The following MYT1L variants were observed in gnomAD, a reference collection of about 807,000 sequenced individuals.
MYT1L encodes myelin transcription factor 1-like protein.
In MYT1L, 12 loss-of-function variants were observed where a neutral mutation model predicts 126.7. The observed-to-expected ratio is 0.09, with a 90% CI of 0.06 to 0.15. The LOEUF is 0.15. Among genes scored for constraint, MYT1L ranks in the 10% least tolerant of loss-of-function variants. The pLI is 1.00. For missense variants in MYT1L, 979 were observed against 1,585.2 expected (o/e 0.62, Z 6.49); for synonymous variants, 541 against 604.2 (o/e 0.90, Z 1.53).
At chr2:2,083,248 T>C (rs1472166670) in intron 3 of MYT1L, among the ~76,000 whole-genome samples, 2 of 152,256 alleles carry the variant, frequency 1.3e-5, no homozygotes, top group African/African-American at 2.4e-5. Flanking sequence ...TGCTCACTTG[T>C]AGATGCAAAT....
chr2:2,125,965 T>C (rs1403404453), intron 3 of MYT1L, among the ~76,000 whole-genome samples: 1 of 152,226 alleles, frequency 6.6e-6, no homozygotes, highest in Non-Finnish European at 1.5e-5. Flanking sequence ...TCACAGCATT[T>C]TCCTGTGGAG....
chr2:1,879,991 T>C lies in MYT1L; in HGVS notation c.2711+6548A>G, dbSNP rs563273780. Among the ~76,000 whole-genome samples the C allele has an allele frequency of 3.3e-5, 5 of 152,340 alleles. No individual in the cohort carries two copies. In the South Asian group the frequency reaches 6.2e-4, roughly 19 times the overall value. ...ATCTTCCTCATGATTTTCTTCTGAA[T>C]TTAAAATGTTCCAAAATTTGTCACA... On this transcript the variant is annotated intron_variant, in intron 18 of 24. Transcript: ENST00000647738.
intron 1 of MYT1L, among the ~76,000 whole-genome samples, chr2:2,321,972 C>G (rs979227769): frequency 1.3e-5 from 2 of 152,132 alleles, no homozygotes; most frequent in Non-Finnish European, 2.9e-5. Flanking sequence ...CATACTAACC[C>G]TATGGCTCAA....
chr2:2,144,998 A>G (rs2148224027), intron 3 of MYT1L, among the ~76,000 whole-genome samples: 1 of 152,354 alleles, frequency 6.6e-6, no homozygotes, highest in Middle Eastern at 3.4e-3. Context: ...AATATCTCTG[A>G]TCATGAAGAC....
intron 1 of MYT1L, among the ~76,000 whole-genome samples, chr2:2,294,588 G>A (rs1011317784): frequency 4.0e-5 from 6 of 151,756 alleles, no homozygotes; most frequent in African/African-American, 1.5e-4. Context: ...AGGGCAGACA[G>A]TGAAGTTGAA....
chr2:1,979,595 A>C lies in MYT1L; in HGVS notation c.56-41T>G. On this transcript the variant is annotated intron_variant, in intron 6 of 24. Coordinates refer to ENST00000647738, the MANE Select transcript of MYT1L (RefSeq NM_001303052.2). This position sits in a 1 kb window ranked among gnomAD's most constrained non-coding sequence, Gnocchi z 4.0. ...AATAGATAAAAATTTACCATCTATC[A>C]CAAGCGACCCTCTTCCACAGAAAAT... 1 of 1,608,990 alleles carries C rather than the reference A, an allele frequency of 6.2e-7. No homozygotes were observed. The highest frequency in any genetic ancestry group is 8.5e-7 in the Non-Finnish European group (1 of 1,175,316).
At chr2:2,234,961 C>T (rs2094251529) in intron 2 of MYT1L, among the ~76,000 whole-genome samples, 1 of 152,222 alleles carries the variant, frequency 6.6e-6, no homozygotes, top group African/African-American at 2.4e-5. Flanking sequence ...GGTCCTTTCC[C>T]TCTCTGCTGG....
chr2:2,062,423 G>A (rs74815717), intron 3 of MYT1L, among the ~76,000 whole-genome samples: 3,172 of 152,188 alleles, frequency 0.021, 62 homozygotes, highest in South Asian at 0.088. Flanking sequence ...ATCTGGCCTC[G>A]TCCACACTGG....
At chr2:2,043,088 C>T (rs548534097) in intron 4 of MYT1L, among the ~76,000 whole-genome samples, 7 of 152,252 alleles carry the variant, frequency 4.6e-5, no homozygotes, top group South Asian at 2.1e-4. Flanking sequence ...GCCCCAAGCC[C>T]GGGGACCTCA....
intron 22 of MYT1L, among the ~76,000 whole-genome samples, chr2:1,802,607 G>A (rs2035047508): frequency 6.6e-6 from 1 of 152,210 alleles, no homozygotes; most frequent in Admixed American, 6.5e-5. Context: ...CGAGGTCCCT[G>A]GGGCACCTGG....
At position 1,819,714 on chromosome 2, in the gene MYT1L, G is replaced by A. The variant is rs77199002; in HGVS notation, c.3081-10547C>T. 0.011 allele frequency among the ~76,000 whole-genome samples: 1,716 copies of A among 152,320 alleles called. 69 individuals are homozygous for A. The East Asian group carries it at 0.13, about 12-fold the overall frequency. ...AGCATTACAGAGGGAGGTGGAGTCCGCATGGGTATTTAAAGACAGACATTT... is the reference window on the plus strand; with the variant it reads ...AGCATTACAGAGGGAGGTGGAGTCCACATGGGTATTTAAAGACAGACATTT... On this transcript the variant is annotated intron_variant, in intron 21 of 24. Coordinates refer to ENST00000647738, the MANE Select transcript of MYT1L (RefSeq NM_001303052.2).
rs542471285 is a variant in MYT1L at position 1,910,166 on chromosome 2, G to A, written c.1817+74C>T. 2.2e-5 allele frequency: 29 copies of A among 1,346,520 alleles called. No homozygotes were observed. Among genetic ancestry groups the A allele is most frequent in the African/African-American group, 1.3e-4 (9 of 69,620 alleles). The allele number at this position is 1,346,520 out of a possible 1,614,324, so 83.4% of individuals were successfully genotyped here. A position where few individuals can be genotyped will look rare whatever the true frequency, so the allele number is the denominator to read the frequency against. ...GCTGCTGTAGGGACATGCCCTGAGCGGGTGTCCCCAGCGCTCCGAGGTGTG... is the reference window on the plus strand; with the variant it reads ...GCTGCTGTAGGGACATGCCCTGAGCAGGTGTCCCCAGCGCTCCGAGGTGTG... On this transcript the variant is annotated intron_variant, in intron 13 of 24. Coordinates refer to ENST00000647738, the MANE Select transcript of MYT1L (RefSeq NM_001303052.2). This position sits in a 1 kb window ranked among gnomAD's most constrained non-coding sequence, Gnocchi z 4.8.
intron 8 of MYT1L, among the ~76,000 whole-genome samples, chr2:1,950,426 C>T (rs569215115): frequency 3.9e-5 from 6 of 151,986 alleles, no homozygotes; most frequent in African/African-American, 1.5e-4. Flanking sequence ...GACCTACTCC[C>T]AACCTCATGG....
intron 3 of MYT1L, among the ~76,000 whole-genome samples, chr2:2,161,701 C>CT (rs1319782080): frequency 6.6e-6 from 1 of 152,194 alleles, no homozygotes; most frequent in African/African-American, 2.4e-5. Context: ...CAAGATGGTG[C>CT]TGGGGACGCC....
chr2:2,314,250 CAT>C (rs1251093594), intron 1 of MYT1L, among the ~76,000 whole-genome samples: 1 of 152,118 alleles, frequency 6.6e-6, no homozygotes, highest in African/African-American at 2.4e-5. Flanking sequence ...AACTGCCTGC[CAT>C]ATATATTTAT....
chr2:1,858,696 G>T (rs2044212757), intron 18 of MYT1L, among the ~76,000 whole-genome samples: 3 of 152,210 alleles, frequency 2.0e-5, no homozygotes, highest in African/African-American at 7.2e-5. Flanking sequence ...TCACGGAAAG[G>T]CAATTCTTGT....
Position 2,048,898 on chromosome 2 carries a change from G to T in MYT1L, c.-158+5080C>A, listed in dbSNP as rs1217427118. 3.3e-5 allele frequency among the ~76,000 whole-genome samples: 5 copies of T among 152,286 alleles called. No homozygotes were observed. In the East Asian group the frequency reaches 9.7e-4, roughly 29 times the overall value. The stretch of plus-strand genomic sequence containing the variant: ...CATCCTACTCTCCTACAGGGTGGTG[G>T]CCTGTGACTTTGATAACACAAGTCA... On this transcript the variant is annotated intron_variant, in intron 4 of 24. Coordinates refer to ENST00000647738, the MANE Select transcript of MYT1L (RefSeq NM_001303052.2).
intron 3 of MYT1L, among the ~76,000 whole-genome samples, chr2:2,136,998 A>C (rs2083150840): frequency 6.6e-6 from 1 of 152,250 alleles, no homozygotes; most frequent in South Asian, 2.1e-4. Flanking sequence ...AAGTCTCAGG[A>C]TACAAAATCA....
rs184637982 is a variant in MYT1L at position 1,839,935 on chromosome 2, G to A, written c.2859-565C>T. 3.0e-3 allele frequency among the ~76,000 whole-genome samples: 463 copies of A among 152,274 alleles called. 3 individuals are homozygous for A. The highest frequency in any genetic ancestry group is 0.01 in the African/African-American group (419 of 41,562). ...TGGAATCGGGCTGACACAGGGACACGGGACAGGTGTGTTCCTGGGAACTTG... is the reference window on the plus strand; with the variant it reads ...TGGAATCGGGCTGACACAGGGACACAGGACAGGTGTGTTCCTGGGAACTTG... On this transcript the variant is annotated intron_variant, in intron 20 of 24. Transcript: ENST00000647738.
Sources: gnomAD v4.1 joint callset for allele counts (sites outside exome capture counted in the v4.1 genomes callset) on GRCh38, gnomAD v4.1.1 for gene constraint, Gnocchi (gnomAD v3.1) non-coding constraint, MANE v1.5 for transcripts, NCBI Gene and HGNC (gene_info 2026-07-23, HGNC 2026-07-21) for gene names.